Variants in ZIC3 observed in about 807,000 individuals in gnomAD.
The protein encoded by ZIC3 is Zic family zinc finger 3.
In ZIC3, 6 loss-of-function variants were observed where a neutral mutation model predicts 18.3. The ratio of observed to expected loss-of-function variants is 0.33; its 90% CI spans 0.18 to 0.65. The LOEUF is 0.65. Among genes scored for constraint, ZIC3 ranks in the 30% least tolerant of loss-of-function variants. The probability of loss-of-function intolerance (pLI) is 0.75; values close to 1 mark genes in which losing one functional copy is unlikely to be tolerated. For synonymous variants in ZIC3, 175 were observed against 177.0 expected, an observed-to-expected ratio of 0.99 and a Z score of 0.09; for missense variants, 260 against 410.0, an observed-to-expected ratio of 0.63 and a Z score of 3.16.
At chrX:137,573,065 A>T (rs1276144731), downstream of ZIC3, among the ~76,000 whole-genome samples, 1 of 101,652 alleles carries the variant, frequency 9.8e-6, no homozygotes, top group Admixed American at 1.1e-4. Flanking sequence ...CCCCCCTATA[A>T]TCTGGCTCTG....
exon 3 of ZIC3, chrX:137,577,518 T>C (rs1931527566): frequency 9.0e-6 from 2 of 222,807 alleles, no homozygotes; most frequent in Non-Finnish European, 1.6e-5. Flanking sequence ...ATCTCATGCA[T>C]TGTGTTGACC....
downstream of ZIC3, among the ~76,000 whole-genome samples, chrX:137,573,137 C>CAAA (rs369606674): frequency 8.6e-5 from 3 of 35,009 alleles, no homozygotes; most frequent in Admixed American, 7.8e-4. Flanking sequence ...GTACCCCCCC[C>CAAA]AAAAAAAAAA....
Position 137,566,532 on chromosome X carries a change from C to A in ZIC3, c.-160C>A. ...CCTATCCCTCTGCAGGAGACTCTTG[C>A]AGTGACGGAAAGTTGCAGCCCCTGG... On this transcript the variant is annotated 5_prime_UTR_variant, in exon 1 of 3. Transcript: ENST00000287538. 1.3e-6 allele frequency: 1 copy of A among 783,117 alleles called. No individual in the cohort carries two copies. The highest frequency in any genetic ancestry group is 1.7e-6 in the Non-Finnish European group (1 of 586,262). The allele number at this position is 783,117 out of a possible 1,213,427, so 64.5% of individuals were successfully genotyped here.
chrX:137,569,357 C>G (rs1300066219), intron 2 of ZIC3, among the ~76,000 whole-genome samples: 1 of 112,252 alleles, frequency 8.9e-6, no homozygotes, highest in Non-Finnish European at 1.9e-5. Flanking sequence ...CGCCTCTTCC[C>G]GACTCAGCCC....
chrX:137,569,747 A>T, intron 2 of ZIC3, 144 bp from the exon 3 acceptor site: 1 of 575,636 alleles, frequency 1.7e-6, no homozygotes, highest in South Asian at 3.4e-5. Context: ...CATCGGTAAT[A>T]CGGATTTTTT....
In ZIC3 at chrX:137,566,156, A is replaced by C; in HGVS notation, c.-536A>C. ...GTCCAAGGACATTACTCTGGAGGCG[A>C]AGAGGCTGGGACTCGCGCGGCGAGC... On this transcript the variant is annotated 5_prime_UTR_variant, in exon 1 of 3. Coordinates refer to ENST00000287538, the MANE Select transcript of ZIC3 (RefSeq NM_003413.4). The C allele has an allele frequency of 7.0e-6, 1 of 143,084 alleles. No individual in the cohort carries two copies. Among genetic ancestry groups the C allele is most frequent in the Non-Finnish European group, 1.4e-5 (1 of 73,303 alleles). 11.8% of individuals were successfully genotyped at this position (143,084 alleles called of 1,213,427 possible).
In ZIC3 at chrX:137,566,849, C is replaced by A; in HGVS notation, c.158C>A (p.Ala53Asp). 1 of 1,163,316 alleles carries A rather than the reference C, an allele frequency of 8.6e-7. No individual in the cohort carries two copies. Among genetic ancestry groups the A allele is most frequent in the Non-Finnish European group, 1.1e-6 (1 of 872,799 alleles). The change falls in exon 1 of 3, where the codon GCC becomes GAC. Residue 53 changes from alanine (A) to aspartate (D), a missense_variant. Around this residue, in one of 4 missense-constraint regions of ZIC3, gnomAD observed 183 missense variants for 223.8 expected, o/e 0.82. Transcript: ENST00000287538. The stretch of plus-strand genomic sequence containing the variant: ...CACGCCGCCGCCGCCGCCGCCGCCG[C>A]CGCTGCCTTCAAGCTGAGCCCTGCC... ...STHAAAAAAA[A>D]AAFKLSPAAA...
chrX:137,569,504 G>GC (rs1304864268), intron 2 of ZIC3, among the ~76,000 whole-genome samples: 1 of 112,499 alleles, frequency 8.9e-6, no homozygotes, highest in Non-Finnish European at 1.9e-5. Flanking sequence ...AGCGCTCAGG[G>GC]CCCCTGTGCC....
At chrX:137,574,651 G>T (rs1019778955), downstream of ZIC3, among the ~76,000 whole-genome samples, 4 of 112,280 alleles carry the variant, frequency 3.6e-5, no homozygotes, top group Admixed American at 1.8e-4. Context: ...GGGGGTTGGG[G>T]ATAGAGTTGA....
In ZIC3 at chrX:137,567,051, C is replaced by A. The variant is rs1345706118; in HGVS notation, c.360C>A (p.Phe120Leu). Residue 120 changes from phenylalanine (F) to leucine (L), a missense_variant, in exon 1 of 3, where the codon TTC (phenylalanine) becomes TTA (leucine). Physicochemically the swap from Phe to Leu is conservative, Grantham distance 22 (BLOSUM62 0). Coordinates refer to ENST00000287538, the MANE Select transcript of ZIC3 (RefSeq NM_003413.4). The part of the protein sequence containing the change: ...AAFNSTREFL[F>L]RQRSSGLSEA... Reference sequence around the variant, plus strand: ...TCAACTCAACGCGCGAGTTTCTGTTCCGCCAGCGCAGCTCCGGGCTCAGTG... The same window carrying A: ...TCAACTCAACGCGCGAGTTTCTGTTACGCCAGCGCAGCTCCGGGCTCAGTG... 3 of 1,172,771 alleles carry A rather than the reference C, an allele frequency of 2.6e-6. No individual in the cohort carries two copies. Among genetic ancestry groups the A allele is most frequent in the Non-Finnish European group, 2.3e-6 (2 of 876,136 alleles).
In ZIC3 at chrX:137,567,702, G is replaced by A. The variant is rs61735960; in HGVS notation, c.1011G>A (p.Lys337=). The A allele has an allele frequency of 1.9e-5, 23 of 1,211,480 alleles. No homozygotes were observed. Among genetic ancestry groups the A allele is most frequent in the Non-Finnish European group, 5.6e-6 (5 of 895,558 alleles). The change falls in exon 1 of 3, where the codon AAG becomes AAA. Residue 337 remains lysine, a synonymous_variant. Transcript: ENST00000287538. ...PFPCPFPGCG[K]IFARSENLKI... ...CATGCCCCTTCCCGGGCTGCGGGAA[G>A]ATCTTTGCCCGTTCTGAGAACCTCA...
downstream of ZIC3, among the ~76,000 whole-genome samples, chrX:137,574,482 G>A (rs890734721): frequency 8.8e-6 from 1 of 113,413 alleles, no homozygotes; most frequent in South Asian, 3.5e-4. Context: ...GGAGGCTCCG[G>A]CCGGGGCCCC....
At position 137,570,391 on chromosome X, in the gene ZIC3, G is replaced by A. The variant is rs1931420857; in HGVS notation, c.*321G>A. The stretch of plus-strand genomic sequence containing the variant: ...TTTTAACACTTGTCCTGTTTCTTGA[G>A]AGGAAGTTATAGAAGGCTTGTTGGT... On this transcript the variant is annotated 3_prime_UTR_variant, in exon 3 of 3. Transcript: ENST00000287538. 2 of 286,452 alleles carry A rather than the reference G, an allele frequency of 7.0e-6. No homozygotes were observed. The highest frequency in any genetic ancestry group is 6.2e-6 in the Non-Finnish European group (1 of 161,212). 23.6% of individuals were successfully genotyped at this position (286,452 alleles called of 1,213,427 possible).
chrX:137,573,137 CAA>C (rs369606674), downstream of ZIC3, among the ~76,000 whole-genome samples: 112 of 34,989 alleles, frequency 3.2e-3, no homozygotes, highest in African/African-American at 0.012. Flanking sequence ...GTACCCCCCC[CAA>C]AAAAAAAAAA....
chrX:137,568,355 T>G (rs867860572), intron 1 of ZIC3, among the ~76,000 whole-genome samples: 5 of 109,626 alleles, frequency 4.6e-5, no homozygotes, highest in Non-Finnish European at 7.6e-5. Flanking sequence ...TCTATCTATC[T>G]ATCTATCTAT....
At chrX:137,569,542 C>G (rs983857504) in intron 2 of ZIC3, among the ~76,000 whole-genome samples, 1 of 112,691 alleles carries the variant, frequency 8.9e-6, no homozygotes, top group Non-Finnish European at 1.9e-5. Context: ...TTTCTCAAGC[C>G]GAAACGGGCT....
intron 1 of ZIC3, chrX:137,568,681 G>GCCCCCCCC: frequency 1.4e-5 from 2 of 142,760 alleles, no homozygotes; most frequent in Non-Finnish European, 1.3e-5. Context: ...TTTTGGGCCG[G>GCCCCCCCC]CCCCGCCCCA....
downstream of ZIC3, chrX:137,573,892 G>T (rs957099463): frequency 5.3e-5 from 6 of 112,822 alleles, no homozygotes; most frequent in East Asian, 2.8e-4. Context: ...GCTCGGGCGG[G>T]GGGGGAAGGG....
In ZIC3 at chrX:137,566,474, A is replaced by ACCC; in HGVS notation, c.-215_-213dup. On this transcript the variant is annotated 5_prime_UTR_variant, in exon 1 of 3. Transcript: ENST00000287538. ...CCTCCCTCCTCCTCCCCCCGCCAAC[A>ACCC]CCCCCTCCCTGCTCTTTCTTCCCCT... 2 of 78,973 alleles carry ACCC rather than the reference A, an allele frequency of 2.5e-5. No homozygotes were observed. The highest frequency in any genetic ancestry group is 2.1e-4 in the Admixed American group (1 of 4,746). 6.5% of individuals were successfully genotyped at this position (78,973 alleles called of 1,213,427 possible). A position where few individuals can be genotyped will look rare whatever the true frequency, so the allele number is the denominator to read the frequency against.
Sources: gnomAD v4.1 joint callset for allele counts (sites outside exome capture counted in the v4.1 genomes callset) on GRCh38, gnomAD v4.1.1 for gene constraint, gnomAD v4.1.1 regional missense constraint, MANE v1.5 for transcripts, NCBI Gene and HGNC (gene_info 2026-07-23, HGNC 2026-07-21) for gene names.